The following CYTH3 variants were observed in gnomAD, a reference collection of about 807,000 sequenced individuals.
CYTH3 encodes cytohesin-3.
A neutral mutation model predicts 55.1 loss-of-function variants in CYTH3; 23 were observed. The observed-to-expected ratio is 0.42, with a 90% CI of 0.30 to 0.59. CYTH3 has a LOEUF of 0.59. Among genes scored for constraint, CYTH3 ranks in the 20% least tolerant of loss-of-function variants. The pLI is 0.20. For synonymous variants in CYTH3, 249 were observed against 194.9 expected (o/e 1.28, Z -2.31); for missense variants, 413 against 524.8 (o/e 0.79, Z 2.08).
At chr7:6,212,193 G>A (rs1427095100) in intron 1 of CYTH3, among the ~76,000 whole-genome samples, 1 of 152,012 alleles carries the variant, frequency 6.6e-6, no homozygotes, top group Non-Finnish European at 1.5e-5. Flanking sequence ...GAGTATGGTG[G>A]TCAATAATGA....
chr7:6,214,041 A>G (rs1182636329), intron 1 of CYTH3, among the ~76,000 whole-genome samples: 1 of 152,208 alleles, frequency 6.6e-6, no homozygotes, highest in East Asian at 1.9e-4. Context: ...ACATATTTTG[A>G]TTCAAAGTTT....
At chr7:6,231,165 C>A (rs1246746985) in intron 1 of CYTH3, among the ~76,000 whole-genome samples, 1 of 152,220 alleles carries the variant, frequency 6.6e-6, no homozygotes, top group Non-Finnish European at 1.5e-5. Flanking sequence ...TGAGTGGGGA[C>A]GGGCAGAGGG....
intron 9 of CYTH3, among the ~76,000 whole-genome samples, chr7:6,166,071 G>T (rs3828953): frequency 6.6e-6 from 1 of 152,280 alleles, no homozygotes; most frequent in East Asian, 1.9e-4. Context: ...AGAGTTAGTG[G>T]GATGGATGGC....
At chr7:6,228,638 T>G (rs1005755528) in intron 1 of CYTH3, among the ~76,000 whole-genome samples, 3 of 152,206 alleles carry the variant, frequency 2.0e-5, no homozygotes, top group Non-Finnish European at 4.4e-5. Context: ...CATGCTCAAC[T>G]TTAACATTTC....
rs1242463639 is a variant in CYTH3 at position 6,163,900 on chromosome 7, A to C, written c.*1044T>G. The stretch of plus-strand genomic sequence containing the variant: ...ATGAATATGGTCAAAAGCCGGTCTA[A>C]CCTGCTGACCTGTATGAAACGCTGC... On this transcript the variant is annotated 3_prime_UTR_variant, in exon 13 of 13. Transcript: ENST00000350796. 2 of 152,232 alleles carry C rather than the reference A, an allele frequency of 1.3e-5. No homozygotes were observed. Among genetic ancestry groups the C allele is most frequent in the Non-Finnish European group, 2.9e-5 (2 of 68,030 alleles). The allele number at this position is 152,232 out of a possible 1,614,324, so 9.4% of individuals were successfully genotyped here. A position where few individuals can be genotyped will look rare whatever the true frequency, so the allele number is the denominator to read the frequency against.
chr7:6,269,598 G>C (rs1442058958), intron 1 of CYTH3, among the ~76,000 whole-genome samples: 1 of 125,616 alleles, frequency 8.0e-6, no homozygotes, highest in African/African-American at 3.2e-5. Flanking sequence ...ATTAGCTCAA[G>C]AACTGTTCTC....
chr7:6,216,782 T>C (rs1023924997), intron 1 of CYTH3, among the ~76,000 whole-genome samples: 16 of 139,752 alleles, frequency 1.1e-4, no homozygotes, highest in Non-Finnish European at 2.4e-4. Context: ...TACACATACA[T>C]ACACACACAT....
chr7:6,190,150 C>T (rs141636889), intron 2 of CYTH3, among the ~76,000 whole-genome samples: 3 of 152,312 alleles, frequency 2.0e-5, no homozygotes, highest in Non-Finnish European at 2.9e-5. Flanking sequence ...TTAGATGATA[C>T]GCTGCCTGTG....
intron 1 of CYTH3, among the ~76,000 whole-genome samples, chr7:6,196,929 A>G (rs998780889): frequency 1.3e-5 from 2 of 152,222 alleles, no homozygotes; most frequent in African/African-American, 2.4e-5. Context: ...TAGAAAAATA[A>G]GAGCCTGCAA....
intron 1 of CYTH3, among the ~76,000 whole-genome samples, chr7:6,225,707 T>C (rs1779232900): frequency 1.3e-5 from 2 of 150,968 alleles, no homozygotes; most frequent in African/African-American, 4.9e-5. Flanking sequence ...GAAATGGAGT[T>C]CCACTCTTGT....
At chr7:6,267,492 T>A (rs965259698) in intron 1 of CYTH3, among the ~76,000 whole-genome samples, 1 of 152,252 alleles carries the variant, frequency 6.6e-6, no homozygotes, top group Admixed American at 6.5e-5. Context: ...TAACCTTACA[T>A]TGCATATCAC....
At chr7:6,221,089 C>T (rs1784539608) in intron 1 of CYTH3, among the ~76,000 whole-genome samples, 1 of 152,008 alleles carries the variant, frequency 6.6e-6, no homozygotes, top group Non-Finnish European at 1.5e-5. Context: ...TATGCCCACA[C>T]AAAAACCTGA....
chr7:6,245,742 T>A (rs925402944), intron 1 of CYTH3, among the ~76,000 whole-genome samples: 6 of 152,138 alleles, frequency 3.9e-5, no homozygotes, highest in Non-Finnish European at 7.4e-5. Context: ...CCGTCTCTAC[T>A]AAAAGTACAA....
In CYTH3 at chr7:6,242,617, C is replaced by T. The variant is rs936810615; in HGVS notation, c.34+29857G>A. Among the ~76,000 whole-genome samples, 11 of 152,088 alleles carry T rather than the reference C, an allele frequency of 7.2e-5. No homozygotes were observed. The South Asian group carries it at 8.3e-4, about 11-fold the overall frequency. On this transcript the variant is annotated intron_variant, in intron 1 of 12. Transcript: ENST00000350796. ...GTCTCAAACTCCTGATCTTGTGATC[C>T]GCCCGCCTCGGCCTCCAAAAGTGCT...
intron 4 of CYTH3, among the ~76,000 whole-genome samples, chr7:6,179,587 GACACACACACACACACCACACACC>G (rs1783422956): frequency 7.0e-6 from 1 of 143,282 alleles, no homozygotes; most frequent in African/African-American, 2.7e-5. Context: ...TTACAAGACA[GACACACACACACACACCACACACC>G]ACACACACAC....
At chr7:6,173,091 C>A in intron 6 of CYTH3, 2 of 1,024,994 alleles carry the variant, frequency 2.0e-6, no homozygotes, top group Non-Finnish European at 2.4e-6. Context: ...AGGGTCAAGG[C>A]CCAGAACAGA....
intron 1 of CYTH3, among the ~76,000 whole-genome samples, chr7:6,252,612 T>G (rs1010910949): frequency 6.6e-5 from 10 of 152,106 alleles, no homozygotes; most frequent in Non-Finnish European, 1.5e-4. Flanking sequence ...ACCGGATACA[T>G]GAACAACAAC....
Position 6,165,321 on chromosome 7 carries a change from A to G in CYTH3, c.1079T>C (p.Ile360Thr). Reference protein sequence around the residue: ...VVEGNHVVYRISAPSPEEKEE... With the variant: ...VVEGNHVVYRTSAPSPEEKEE... The stretch of plus-strand genomic sequence containing the variant: ...CTTCTCCTCCGGGCTCGGGGCTGAG[A>G]TCCGGTACACCACATGGTTCCCCTC... The change falls in exon 12 of 13, where the codon ATC (isoleucine) becomes ACC (threonine). Residue 360 changes from isoleucine (I) to threonine (T), a missense_variant. By Grantham distance (89) the Ile-to-Thr change is moderately conservative. This residue lies in a region of CYTH3 where 98 missense variants were observed against 115.2 expected (regional missense o/e 0.85). Transcript: ENST00000350796. 1 of 1,614,020 alleles carries G rather than the reference A, an allele frequency of 6.2e-7. No homozygotes were observed. Among genetic ancestry groups the G allele is most frequent in the Non-Finnish European group, 8.5e-7 (1 of 1,180,002 alleles).
chr7:6,264,323 T>C (rs569516165), intron 1 of CYTH3, among the ~76,000 whole-genome samples: 1 of 152,006 alleles, frequency 6.6e-6, no homozygotes, highest in East Asian at 1.9e-4. Flanking sequence ...GTATGAAATA[T>C]ATACCAGGCT....
Sources: gnomAD v4.1 joint callset for allele counts (sites outside exome capture counted in the v4.1 genomes callset) on GRCh38, gnomAD v4.1.1 for gene constraint, gnomAD v4.1.1 regional missense constraint, MANE v1.5 for transcripts, NCBI Gene and HGNC (gene_info 2026-07-23, HGNC 2026-07-21) for gene names.